The following COL22A1 variants were observed in gnomAD, a reference collection of about 807,000 sequenced individuals.
COL22A1 encodes the protein collagen alpha-1(XXII) chain.
COL22A1 carries 221 observed loss-of-function variants against 248.9 expected under a neutral mutation model. The ratio of observed to expected loss-of-function variants is 0.89; its 90% CI spans 0.80 to 0.99. The LOEUF is 0.99. Ranked by LOEUF, COL22A1 falls within the 50% of genes least tolerant of loss-of-function variation. COL22A1 has a pLI of 0.00. For missense variants in COL22A1, 2,240 were observed against 2,179.0 expected (o/e 1.03, Z -0.56); for synonymous variants, 891 against 793.4 (o/e 1.12, Z -2.07).
intron 23 of COL22A1, among the ~76,000 whole-genome samples, chr8:138,733,842 G>A (rs570376266): frequency 3.3e-5 from 5 of 152,304 alleles, no homozygotes; most frequent in Non-Finnish European, 7.3e-5. Context: ...GGACTTGCTT[G>A]AGAGTAGGAC....
At chr8:138,614,902 G>A (rs1175079915) in intron 55 of COL22A1, among the ~76,000 whole-genome samples, 2 of 152,194 alleles carry the variant, frequency 1.3e-5, no homozygotes, top group East Asian at 1.9e-4. Flanking sequence ...ACGTGCTCCG[G>A]TGTGTCAAGA....
intron 40 of COL22A1, among the ~76,000 whole-genome samples, chr8:138,677,711 A>G (rs1825676214): frequency 6.6e-6 from 1 of 152,210 alleles, no homozygotes; most frequent in Admixed American, 6.5e-5. Flanking sequence ...AAATGTCATT[A>G]TGTGTATATT....
At chr8:138,593,835 A>G (rs995715964) in intron 63 of COL22A1, among the ~76,000 whole-genome samples, 182 bp downstream of exon 63, 1 of 152,332 alleles carries the variant, frequency 6.6e-6, no homozygotes. Flanking sequence ...TTTTGTAAAA[A>G]TGTCAAGTAT....
intron 30 of COL22A1, among the ~76,000 whole-genome samples, chr8:138,713,520 T>C (rs1829192000): frequency 6.6e-6 from 1 of 152,256 alleles, no homozygotes; most frequent in South Asian, 2.1e-4. Flanking sequence ...GCAAAGGATC[T>C]TGTGTTTCAG....
intron 43 of COL22A1, 33 bp from the exon 44 acceptor site, chr8:138,660,513 G>A: frequency 6.2e-7 from 1 of 1,605,472 alleles, no homozygotes; most frequent in Non-Finnish European, 8.5e-7. Context: ...CATTAACTGT[G>A]ATAAGCACAC....
chr8:138,779,041 G>A (rs1814726211), intron 14 of COL22A1, among the ~76,000 whole-genome samples: 2 of 152,210 alleles, frequency 1.3e-5, no homozygotes, highest in African/African-American at 4.8e-5. Context: ...TAGTAGATAA[G>A]GAGAAACACA....
chr8:138,808,639 C>T lies in COL22A1; in HGVS notation c.1450-827G>A, dbSNP rs145962800. ...CGCCAAGCTGAAAACAAATGCAACA[C>T]GATTAATATAATTTTATAGATATAA... On this transcript the variant is annotated intron_variant, in intron 9 of 64. Coordinates refer to ENST00000303045, the MANE Select transcript of COL22A1 (RefSeq NM_152888.3). Among the ~76,000 whole-genome samples, 31 of 152,152 alleles carry T rather than the reference C, an allele frequency of 2.0e-4. No individual in the cohort carries two copies. The South Asian group carries it at 6.2e-3, about 31-fold the overall frequency.
intron 22 of COL22A1, among the ~76,000 whole-genome samples, chr8:138,744,428 C>T (rs1586632296): frequency 6.6e-6 from 1 of 151,994 alleles, no homozygotes; most frequent in African/African-American, 2.4e-5. Context: ...ACAGCAAGGA[C>T]AGTTAACTTC....
At chr8:138,805,505 G>GTA (rs1817475629) in intron 10 of COL22A1, among the ~76,000 whole-genome samples, 1 of 145,512 alleles carries the variant, frequency 6.9e-6, no homozygotes, top group African/African-American at 2.7e-5. Context: ...GTGTGTGTGT[G>GTA]ATGGTGTGTG....
intron 57 of COL22A1, 25 bp from the exon 58 acceptor site, chr8:138,606,477 A>C (rs1564088603): frequency 6.2e-7 from 1 of 1,610,132 alleles, no homozygotes; most frequent in Non-Finnish European, 8.5e-7. Context: ...CTGAGAATTA[A>C]TTCCTCAAGG....
At chr8:138,765,979 C>A (rs1408217650) in intron 16 of COL22A1, among the ~76,000 whole-genome samples, 5 of 152,354 alleles carry the variant, frequency 3.3e-5, no homozygotes, top group African/African-American at 1.2e-4. Context: ...CTGAGTAGAA[C>A]CACATTTCAC....
intron 2 of COL22A1, among the ~76,000 whole-genome samples, chr8:138,878,519 C>G (rs537467777): frequency 3.6e-4 from 55 of 152,224 alleles, no homozygotes; most frequent in African/African-American, 1.2e-3. Flanking sequence ...GAGTTTTCCC[C>G]AAGACTACTG....
At chr8:138,757,828 T>C (rs1396870962) in intron 18 of COL22A1, among the ~76,000 whole-genome samples, 1 of 152,210 alleles carries the variant, frequency 6.6e-6, no homozygotes, top group Non-Finnish European at 1.5e-5. Flanking sequence ...CTTCCCACAA[T>C]ATGGGTGACA....
intron 32 of COL22A1, among the ~76,000 whole-genome samples, chr8:138,695,973 A>C (rs969544783): frequency 2.0e-5 from 3 of 152,146 alleles, no homozygotes; most frequent in African/African-American, 7.2e-5. Context: ...CTGGCCCTCT[A>C]ACTTATTGGC....
In COL22A1 at chr8:138,659,582, G is replaced by A. The variant is rs138907820; in HGVS notation, c.3285+854C>T. Among the ~76,000 whole-genome samples the A allele has an allele frequency of 9.0e-3, 1,373 of 152,188 alleles. 19 individuals are homozygous for A. Among genetic ancestry groups the A allele is most frequent in the African/African-American group, 0.03 (1,232 of 41,514 alleles). On this transcript the variant is annotated intron_variant, in intron 44 of 64. Coordinates refer to ENST00000303045, the MANE Select transcript of COL22A1 (RefSeq NM_152888.3). The stretch of plus-strand genomic sequence containing the variant: ...CAAGGACTCATCTCTCTCTCCATCC[G>A]CACAGCTGCCTCCCACTCTCTCAGG...
At chr8:138,647,112 TTCTA>T (rs1822269922) in intron 46 of COL22A1, among the ~76,000 whole-genome samples, 1 of 152,140 alleles carries the variant, frequency 6.6e-6, no homozygotes, top group Admixed American at 6.5e-5. Flanking sequence ...CTTGCACTTT[TTCTA>T]TCTAACCACT....
In COL22A1 at chr8:138,877,777, C is replaced by A; in HGVS notation, c.631G>T (p.Gly211Cys). Residue 211 changes from glycine to cysteine, a missense_variant, in exon 3 of 65, where the codon GGC becomes TGC. Gly to Cys is a radical substitution (Grantham distance 159). Transcript: ENST00000303045. ...SDFNAIDKIR[G>C]KLRRRLCENV... ...TCACAAAGACGGCGCCGCAGCTTGC[C>A]CCGGATCTTGTCGATGGCATTGAAG... is the stretch of plus-strand genomic sequence containing the variant. 1 of 1,602,708 alleles carries A rather than the reference C, an allele frequency of 6.2e-7. No individual in the cohort carries two copies. Among genetic ancestry groups the A allele is most frequent in the South Asian group, 1.1e-5 (1 of 89,252 alleles).
chr8:138,681,900 T>C (rs959493807), intron 39 of COL22A1, among the ~76,000 whole-genome samples: 21 of 152,192 alleles, frequency 1.4e-4, no homozygotes, highest in African/African-American at 4.6e-4. Context: ...AAAAAGCACA[T>C]TGGTCTACAT....
At chr8:138,810,536 A>C (rs1055039744) in intron 9 of COL22A1, among the ~76,000 whole-genome samples, 4 of 152,150 alleles carry the variant, frequency 2.6e-5, no homozygotes, top group Admixed American at 1.3e-4. Flanking sequence ...TCCCTTACAC[A>C]GGCCCCAGGC....
Sources: gnomAD v4.1 joint callset for allele counts (sites outside exome capture counted in the v4.1 genomes callset) on GRCh38, gnomAD v4.1.1 for gene constraint, MANE v1.5 for transcripts, NCBI Gene and HGNC (gene_info 2026-07-23, HGNC 2026-07-21) for gene names.